IRAK2: variants seen among roughly 807,000 people sequenced by gnomAD.
The protein encoded by IRAK2 is interleukin 1 receptor associated kinase 2.
IRAK2 carries 57 observed loss-of-function variants against 72.0 expected under a neutral mutation model. The ratio of observed to expected loss-of-function variants is 0.79; its 90% CI spans 0.64 to 0.99. IRAK2 has a LOEUF of 0.99. IRAK2 is among the 50% of genes least tolerant of loss of function. The probability of loss-of-function intolerance (pLI) is 0.00; values close to 1 mark genes in which losing one functional copy is unlikely to be tolerated. For missense variants in IRAK2, 790 were observed against 794.4 expected, an observed-to-expected ratio of 0.99 and a Z score of 0.07; for synonymous variants, 293 against 312.7, an observed-to-expected ratio of 0.94 and a Z score of 0.67.
At chr3:10,190,093 A>G (rs1210868658) in intron 2 of IRAK2, among the ~76,000 whole-genome samples, 4 of 151,444 alleles carry the variant, frequency 2.6e-5, no homozygotes, top group African/African-American at 9.7e-5. Flanking sequence ...CCAAGGCCAC[A>G]TAGCCCATAG....
In IRAK2 at chr3:10,193,610, A is replaced by G. The variant is rs535208200; in HGVS notation, c.278-6759A>G. Among the ~76,000 whole-genome samples the G allele has an allele frequency of 1.5e-4, 23 of 152,306 alleles. No homozygotes were observed. The South Asian group carries it at 4.8e-3, about 32-fold the overall frequency. ...TGCACTCTAGCCTGGGTCACAGAGC[A>G]AGACTCTGCCTCAAAAACAAAAACA... On this transcript the variant is annotated intron_variant, in intron 2 of 12. Coordinates refer to ENST00000256458, the MANE Select transcript of IRAK2 (RefSeq NM_001570.4).
intron 6 of IRAK2, among the ~76,000 whole-genome samples, chr3:10,213,879 C>A (rs1697561462): frequency 6.6e-6 from 1 of 151,756 alleles, no homozygotes; most frequent in African/African-American, 2.4e-5. Flanking sequence ...ACTCCAACTC[C>A]TTCCTTCCAC....
chr3:10,188,524 T>G (rs1485164392), intron 2 of IRAK2, among the ~76,000 whole-genome samples: 1 of 149,774 alleles, frequency 6.7e-6, no homozygotes, highest in Non-Finnish European at 1.5e-5. Context: ...ATTTATTTAT[T>G]TATGTATTTA....
Position 10,241,856 on chromosome 3 carries a change from C to T in IRAK2, c.1766-260C>T, listed in dbSNP as rs1698065888. Among the ~76,000 whole-genome samples the T allele has an allele frequency of 2.0e-5, 3 of 149,312 alleles. No individual in the cohort carries two copies. The South Asian group carries it at 6.3e-4, about 32-fold the overall frequency. On this transcript the variant is annotated intron_variant, in intron 12 of 12. Coordinates refer to ENST00000256458, the MANE Select transcript of IRAK2 (RefSeq NM_001570.4). ...GGTGTGGTTGTGCACGCCTGTAGTC[C>T]CTGCTACTCCGGAGACTGAGGTGGG...
At position 10,231,691 on chromosome 3, in the gene IRAK2, T is replaced by A. The variant is rs183849957; in HGVS notation, c.1273-2768T>A. Among the ~76,000 whole-genome samples, 1,453 of 152,178 alleles carry A rather than the reference T, an allele frequency of 9.5e-3. 22 individuals carry two copies. The highest frequency in any genetic ancestry group is 0.034 in the African/African-American group (1,394 of 41,536). On this transcript the variant is annotated intron_variant, in intron 10 of 12. Coordinates refer to ENST00000256458, the MANE Select transcript of IRAK2 (RefSeq NM_001570.4). ...TGTTTTTTTCATTTTTAAAAAAAAA[T>A]TTTATGTGGAGATGGGATGTCACTT... is the stretch of plus-strand genomic sequence containing the variant.
chr3:10,220,553 C>T (rs758667931), intron 8 of IRAK2, among the ~76,000 whole-genome samples: 3 of 152,122 alleles, frequency 2.0e-5, no homozygotes, highest in Non-Finnish European at 4.4e-5. Context: ...AGCGATTCTC[C>T]TGCCTTAGCC....
At position 10,238,734 on chromosome 3, in the gene IRAK2, C is replaced by G. The variant is rs1372929859; in HGVS notation, c.1474-14C>G. The G allele has an allele frequency of 1.2e-6, 2 of 1,610,474 alleles. No individual in the cohort carries two copies. Among genetic ancestry groups the G allele is most frequent in the Admixed American group, 1.7e-5 (1 of 59,522 alleles). On this transcript the variant is annotated splice_polypyrimidine_tract_variant and intron_variant, in intron 11 of 12. Coordinates refer to ENST00000256458, the MANE Select transcript of IRAK2 (RefSeq NM_001570.4). ...GAATTCCTGATGAGCTCCCTTCTCT[C>G]TCTTCTCCCAAAGGTGTGTGGCTCT...
At chr3:10,237,586 T>A (rs953736765) in intron 11 of IRAK2, among the ~76,000 whole-genome samples, 15 of 151,974 alleles carry the variant, frequency 9.9e-5, no homozygotes, top group Admixed American at 3.3e-4. Context: ...GGCGGGCGGA[T>A]CACGAGGTCA....
At chr3:10,180,955 C>A (rs917256695) in intron 2 of IRAK2, among the ~76,000 whole-genome samples, 3 of 151,958 alleles carry the variant, frequency 2.0e-5, no homozygotes, top group Non-Finnish European at 4.4e-5. Flanking sequence ...GGGAATGGGG[C>A]GATCTGGCTA....
chr3:10,231,405 C>T (rs538453959), intron 10 of IRAK2, among the ~76,000 whole-genome samples: 184 of 152,090 alleles, frequency 1.2e-3, no homozygotes, highest in Non-Finnish European at 1.9e-3. Context: ...AATTCTCCTG[C>T]CTCAGCTTCC....
chr3:10,195,973 CG>C (rs918510033), intron 2 of IRAK2, among the ~76,000 whole-genome samples: 17 of 152,204 alleles, frequency 1.1e-4, no homozygotes, highest in African/African-American at 3.6e-4. Context: ...CTGGGAGTGG[CG>C]GGGGGTAGCC....
At chr3:10,201,251 G>T (rs576048719) in intron 3 of IRAK2, among the ~76,000 whole-genome samples, 4 of 152,306 alleles carry the variant, frequency 2.6e-5, no homozygotes, top group East Asian at 1.9e-4. Context: ...GCACAGCGAG[G>T]TTAACCAACC....
rs569455317 is a variant in IRAK2, at chr3:10,209,571, A to G, written c.425-18A>G. ...CCTCCCCGAGGCTGCATCCTGACCC[A>G]TAGTCCCTCCTTTCCAGGGTCCTCT... On this transcript the variant is annotated intron_variant, in intron 3 of 12. Transcript: ENST00000256458. 8.7e-5 allele frequency: 132 copies of G among 1,521,260 alleles called. No homozygotes were observed. Among genetic ancestry groups the G allele is most frequent in the South Asian group, 5.5e-4 (44 of 80,124 alleles). The allele number at this position is 1,521,260 out of a possible 1,614,324, so 94.2% of individuals were successfully genotyped here. A position where few individuals can be genotyped will look rare whatever the true frequency, so the allele number is the denominator to read the frequency against.
chr3:10,212,377 C>A (rs1384255083), intron 4 of IRAK2, among the ~76,000 whole-genome samples: 3 of 140,654 alleles, frequency 2.1e-5, no homozygotes, highest in Non-Finnish European at 4.7e-5. Flanking sequence ...ATTCTTCTTC[C>A]AGTGTGGTCC....
At chr3:10,191,707 A>C (rs909445685) in intron 2 of IRAK2, among the ~76,000 whole-genome samples, 3 of 152,026 alleles carry the variant, frequency 2.0e-5, no homozygotes, top group African/African-American at 4.8e-5. Context: ...GCCCCTTCTC[A>C]TGGCAGCTTT....
In IRAK2 at chr3:10,181,652, G is replaced by C. The variant is rs1488031125; in HGVS notation, c.277+3632G>C. Among the ~76,000 whole-genome samples, 3 of 152,106 alleles carry C rather than the reference G, an allele frequency of 2.0e-5. No individual in the cohort carries two copies. The East Asian group carries it at 5.8e-4, about 29-fold the overall frequency. The stretch of plus-strand genomic sequence containing the variant: ...TAGGGAAGGCCATGAAGGGAGGACT[G>C]TCATGCATAAATGCCCAACAACAAT... On this transcript the variant is annotated intron_variant, in intron 2 of 12. Transcript: ENST00000256458.
chr3:10,190,977 T>C (rs1274701044), intron 2 of IRAK2, among the ~76,000 whole-genome samples: 1 of 152,088 alleles, frequency 6.6e-6, no homozygotes, highest in African/African-American at 2.4e-5. Context: ...GTCCAGGAAG[T>C]GATAGATAGC....
chr3:10,194,041 A>G (rs527691998), intron 2 of IRAK2, among the ~76,000 whole-genome samples: 61 of 152,364 alleles, frequency 4.0e-4, no homozygotes, highest in African/African-American at 1.2e-3. Context: ...GCAGAACTGA[A>G]GGAGGGTGGC....
chr3:10,195,924 C>G (rs1697255664), intron 2 of IRAK2, among the ~76,000 whole-genome samples: 1 of 152,080 alleles, frequency 6.6e-6, no homozygotes, highest in Non-Finnish European at 1.5e-5. Flanking sequence ...GAGAGGCAGT[C>G]TCTCCCTGCC....
Sources: gnomAD v4.1 joint callset for allele counts (sites outside exome capture counted in the v4.1 genomes callset) on GRCh38, gnomAD v4.1.1 for gene constraint, MANE v1.5 for transcripts, NCBI Gene and HGNC (gene_info 2026-07-23, HGNC 2026-07-21) for gene names.